The following CNTNAP2 variants were observed in gnomAD, a reference collection of about 807,000 sequenced individuals.
The protein encoded by CNTNAP2 is contactin-associated protein-like 2.
Under a neutral mutation model 155.2 loss-of-function variants are expected in CNTNAP2, and 98 were observed. The observed-to-expected ratio is 0.63, with a 90% confidence interval of 0.54 to 0.75. The LOEUF is 0.75. CNTNAP2 is among the 30% of genes least tolerant of loss of function. The pLI is 0.00. For missense variants in CNTNAP2, 1,727 were observed against 1,688.1 expected (o/e 1.02, Z -0.40); for synonymous variants, 651 against 631.2 (o/e 1.03, Z -0.47).
Position 147,041,730 on chromosome 7 carries a change from T to C in CNTNAP2, c.403-2177T>C, listed in dbSNP as rs1025032091. Among the ~76,000 whole-genome samples the C allele has an allele frequency of 2.6e-5, 4 of 152,232 alleles. No homozygotes were observed. In the East Asian group the frequency reaches 7.7e-4, roughly 29 times the overall value. The stretch of plus-strand genomic sequence containing the variant: ...GACTGCAGATGTCTTAGAGACAGTG[T>C]TTCAGGAGAGATTTTTGTTGTTTTT... On this transcript the variant is annotated intron_variant, in intron 3 of 23. Coordinates refer to ENST00000361727, the MANE Select transcript of CNTNAP2 (RefSeq NM_014141.6).
chr7:147,037,334 G>T (rs889198305), intron 3 of CNTNAP2, among the ~76,000 whole-genome samples: 7 of 151,260 alleles, frequency 4.6e-5, no homozygotes, highest in South Asian at 2.1e-4. Context: ...TATATAAATG[G>T]GAAGATATTT....
In CNTNAP2 at chr7:148,008,241, G is replaced by A. The variant is rs553851242; in HGVS notation, c.2383+30252G>A. Among the ~76,000 whole-genome samples the A allele has an allele frequency of 8.6e-5, 13 of 152,000 alleles. No homozygotes were observed. The South Asian group carries it at 1.2e-3, about 15-fold the overall frequency. On this transcript the variant is annotated intron_variant, in intron 15 of 23. Coordinates refer to ENST00000361727, the MANE Select transcript of CNTNAP2 (RefSeq NM_014141.6). ...AAAAAAATTAGCTGGGCATGGTGGC[G>A]GTTGCCTGTAATCCCAGCTACTCGG...
intron 10 of CNTNAP2, among the ~76,000 whole-genome samples, chr7:147,429,805 G>T (rs1797437109): frequency 6.6e-6 from 1 of 152,000 alleles, no homozygotes; most frequent in Non-Finnish European, 1.5e-5. Flanking sequence ...AGCACCATTT[G>T]TTTAATAAGG....
At chr7:147,963,330 A>T (rs926189511) in intron 14 of CNTNAP2, among the ~76,000 whole-genome samples, 3 of 152,174 alleles carry the variant, frequency 2.0e-5, no homozygotes, top group African/African-American at 7.2e-5. Context: ...CATGTGAGTC[A>T]ATTTCTATGG....
chr7:148,132,923 A>AT (rs1421579321), intron 16 of CNTNAP2, among the ~76,000 whole-genome samples: 1 of 152,126 alleles, frequency 6.6e-6, no homozygotes, highest in African/African-American at 2.4e-5. Flanking sequence ...TACGGCCTAT[A>AT]TTTTTTTAAT....
rs557948700 is a variant in CNTNAP2, at chr7:148,244,067, T to C, written c.3381+14288T>C. Among the ~76,000 whole-genome samples, 301 of 152,380 alleles carry C rather than the reference T, an allele frequency of 2.0e-3. 2 individuals are homozygous for C. Among genetic ancestry groups the C allele is most frequent in the African/African-American group, 6.9e-3 (288 of 41,596 alleles). On this transcript the variant is annotated intron_variant, in intron 20 of 23. Coordinates refer to ENST00000361727, the MANE Select transcript of CNTNAP2 (RefSeq NM_014141.6). ...TAAGGGTATATCTGGTTCTAGATTA[T>C]AGAAGTGTCATCACTAATCTCCCCA...
chr7:147,712,269 G>C (rs1796410980), intron 13 of CNTNAP2, among the ~76,000 whole-genome samples: 1 of 152,210 alleles, frequency 6.6e-6, no homozygotes, highest in Non-Finnish European at 1.5e-5. Flanking sequence ...AGGATGTGGA[G>C]AAATAGGAAC....
intron 3 of CNTNAP2, among the ~76,000 whole-genome samples, chr7:146,953,676 C>A: frequency 6.6e-6 from 1 of 151,832 alleles, no homozygotes; most frequent in Non-Finnish European, 1.5e-5. Context: ...TGGCTATGAA[C>A]TTGTTGAAAA....
chr7:148,118,758 A>G (rs1218062395), intron 16 of CNTNAP2, among the ~76,000 whole-genome samples: 1 of 152,182 alleles, frequency 6.6e-6, no homozygotes, highest in Non-Finnish European at 1.5e-5. Context: ...GGGCAATTCC[A>G]TGACACAGAG....
At chr7:148,174,312 T>A (rs1794889279) in intron 18 of CNTNAP2, among the ~76,000 whole-genome samples, 2 of 152,234 alleles carry the variant, frequency 1.3e-5, no homozygotes, top group Admixed American at 1.3e-4. Flanking sequence ...TTGTCTGCAC[T>A]GAGGCAAGCT....
intron 8 of CNTNAP2, among the ~76,000 whole-genome samples, chr7:147,216,223 G>C (rs930934193): frequency 6.6e-6 from 1 of 151,600 alleles, no homozygotes; most frequent in Non-Finnish European, 1.5e-5. Context: ...TTCATGAATA[G>C]TGCCTTGGGT....
Position 147,337,347 on chromosome 7 carries a change from C to T in CNTNAP2, c.1498+37057C>T, listed in dbSNP as rs533608596. 6.6e-5 allele frequency among the ~76,000 whole-genome samples: 10 copies of T among 152,120 alleles called. No homozygotes were observed. The South Asian group carries it at 2.1e-3, about 32-fold the overall frequency. Reference sequence around the variant, plus strand: ...CTGCCCTGGGTTTTATACCCAGGGGCAATGGAATTGCTGAGCTAAAGCATT... The same window carrying T: ...CTGCCCTGGGTTTTATACCCAGGGGTAATGGAATTGCTGAGCTAAAGCATT... On this transcript the variant is annotated intron_variant, in intron 9 of 23. Coordinates refer to ENST00000361727, the MANE Select transcript of CNTNAP2 (RefSeq NM_014141.6).
chr7:146,869,307 A>G (rs1481517589), intron 3 of CNTNAP2, among the ~76,000 whole-genome samples: 6 of 152,114 alleles, frequency 3.9e-5, no homozygotes, highest in Non-Finnish European at 7.4e-5. Context: ...AATTTTGTTT[A>G]TGTGATGAAT....
intron 12 of CNTNAP2, among the ~76,000 whole-genome samples, chr7:147,614,520 T>C (rs2116882054): frequency 6.6e-6 from 1 of 152,028 alleles, no homozygotes; most frequent in South Asian, 2.1e-4. Context: ...GTTCTTATAT[T>C]GAATAATCTT....
At chr7:147,443,735 G>A (rs1451961113) in intron 10 of CNTNAP2, among the ~76,000 whole-genome samples, 1 of 152,176 alleles carries the variant, frequency 6.6e-6, no homozygotes, top group African/African-American at 2.4e-5. Context: ...GTAAGTGTGT[G>A]TAGAGATATG....
chr7:146,815,927 G>A (rs912353814), intron 2 of CNTNAP2, among the ~76,000 whole-genome samples: 6 of 151,774 alleles, frequency 4.0e-5, no homozygotes, highest in Non-Finnish European at 5.9e-5. Context: ...ACCCCACAAC[G>A]GGCCCTGATG....
intron 8 of CNTNAP2, among the ~76,000 whole-genome samples, chr7:147,266,125 G>A (rs1315408174): frequency 5.3e-5 from 8 of 152,142 alleles, no homozygotes; most frequent in Non-Finnish European, 1.0e-4. Flanking sequence ...ACACAGAACT[G>A]GGTGGATGAT....
chr7:146,138,485 G>A (rs188969889), intron 1 of CNTNAP2, among the ~76,000 whole-genome samples: 2 of 152,172 alleles, frequency 1.3e-5, no homozygotes, highest in Admixed American at 6.6e-5. Context: ...AAGTGATCAT[G>A]AAATAAACTT....
chr7:147,761,405 A>T (rs1156503605), intron 13 of CNTNAP2, among the ~76,000 whole-genome samples: 3 of 152,204 alleles, frequency 2.0e-5, no homozygotes, highest in Non-Finnish European at 4.4e-5. Context: ...AATGACATTC[A>T]AGTTCTGTTT....
Sources: allele counts gnomAD v4.1 joint callset (sites outside exome capture counted in the v4.1 genomes callset), GRCh38; gene constraint gnomAD v4.1.1; transcripts MANE v1.5; gene names NCBI Gene and HGNC (gene_info 2026-07-23, HGNC 2026-07-21).